Variants in IMPDH2 observed in about 807,000 individuals in gnomAD.
IMPDH2 encodes inosine-5'-monophosphate dehydrogenase 2.
IMPDH2 carries 33 observed loss-of-function variants against 57.8 expected under a neutral mutation model. That is an observed-to-expected ratio of 0.57 (90% CI 0.43 to 0.76). The LOEUF is 0.76. Among genes scored for constraint, IMPDH2 ranks in the 30% least tolerant of loss-of-function variants. IMPDH2 has a pLI of 0.00. For synonymous variants in IMPDH2, 270 were observed against 241.3 expected (o/e 1.12, Z -1.10); for missense variants, 446 against 659.1 (o/e 0.68, Z 3.54).
At chr3:49,025,896 C>T (rs2093196518) in intron 9 of IMPDH2, 1 of 451,328 alleles carries the variant, frequency 2.2e-6, no homozygotes, top group Admixed American at 2.4e-5. Context: ...TGGCCTTGCC[C>T]ACCCATCAGC....
chr3:49,028,824 G>C lies in IMPDH2; in HGVS notation c.99-18C>G, dbSNP rs764147355. The C allele has an allele frequency of 6.2e-7, 1 of 1,609,042 alleles. No homozygotes were observed. Among genetic ancestry groups the C allele is most frequent in the Non-Finnish European group, 8.5e-7 (1 of 1,175,454 alleles). On this transcript the variant is annotated intron_variant, in intron 1 of 13. Coordinates refer to ENST00000326739, the MANE Select transcript of IMPDH2 (RefSeq NM_000884.3). Reference sequence around the variant, plus strand: ...GAAAGTCACTGCGAGGGAAGGGAGTGAATTGGGAGTAAAGCTCTCAGCTTA... The same window carrying C: ...GAAAGTCACTGCGAGGGAAGGGAGTCAATTGGGAGTAAAGCTCTCAGCTTA...
In IMPDH2 at chr3:49,029,173, G is replaced by A; in HGVS notation, c.98+80C>T. The A allele has an allele frequency of 2.6e-6, 3 of 1,163,828 alleles. No individual in the cohort carries two copies. In the South Asian group the frequency reaches 3.9e-5, roughly 15 times the overall value. The allele number at this position is 1,163,828 out of a possible 1,614,324, so 72.1% of individuals were successfully genotyped here. On this transcript the variant is annotated intron_variant, in intron 1 of 13. Coordinates refer to ENST00000326739, the MANE Select transcript of IMPDH2 (RefSeq NM_000884.3). Reference sequence around the variant, plus strand: ...TGTCCCCCACGCCCACGCCCAAGGCGGCTCTCGGAAGCCCCCATCTGGCCT... The same window carrying A: ...TGTCCCCCACGCCCACGCCCAAGGCAGCTCTCGGAAGCCCCCATCTGGCCT...
At position 49,026,864 on chromosome 3, in the gene IMPDH2, T is replaced by A; in HGVS notation, c.642A>T (p.Glu214Asp). Residue 214 changes from glutamate to aspartate, a missense_variant, in exon 7 of 14, where the codon GAA becomes GAT. Physicochemically the swap from Glu to Asp is conservative, Grantham distance 45. Coordinates refer to ENST00000326739, the MANE Select transcript of IMPDH2 (RefSeq NM_000884.3). ...CAATGATGGCCACAAGCTCATCATCTTCATTTACAATGGGCAACTTTCCTG... is the reference window on the plus strand; with the variant it reads ...CAATGATGGCCACAAGCTCATCATCATCATTTACAATGGGCAACTTTCCTG... Reference protein sequence around the residue: ...SKKGKLPIVNEDDELVAIIAR... With the variant: ...SKKGKLPIVNDDDELVAIIAR... 1.2e-6 allele frequency: 2 copies of A among 1,614,232 alleles called. No individual in the cohort carries two copies.
At chr3:49,024,457 G>A (rs775207681) in intron 13 of IMPDH2, 38 bp downstream of exon 13, 13 of 1,614,084 alleles carry the variant, frequency 8.1e-6, no homozygotes, top group South Asian at 2.2e-5. Flanking sequence ...GGAGGCATGA[G>A]GTATGGCAGA....
At chr3:49,028,088 A>G in intron 4 of IMPDH2, 160 bp downstream of exon 4, 3 of 783,560 alleles carry the variant, frequency 3.8e-6, no homozygotes. Flanking sequence ...CACCTGGTCT[A>G]TTGCTGCTGC....
chr3:49,028,515 C>T lies in IMPDH2; in HGVS notation c.165G>A (p.Leu55=), dbSNP rs1311688307. The change falls in exon 3 of 14, where the codon CTG becomes CTA. Residue 55 remains leucine (L), a synonymous_variant. Transcript: ENST00000326739. ...TADQVDLTSA[L]TKKITLKTPL... ...GGGTCTTAAGAGTGATTTTCTTGGT[C>T]AGAGCAGAAGTCAGGTCCTGAGGAG... The T allele has an allele frequency of 1.9e-6, 3 of 1,613,732 alleles. No homozygotes were observed. The East Asian group carries it at 6.7e-5, about 36-fold the overall frequency.
In IMPDH2 at chr3:49,028,822, G is replaced by A. The variant is rs2093211257; in HGVS notation, c.99-16C>T. On this transcript the variant is annotated splice_polypyrimidine_tract_variant and intron_variant, in intron 1 of 13. Transcript: ENST00000326739. ...GAGAAAGTCACTGCGAGGGAAGGGA[G>A]TGAATTGGGAGTAAAGCTCTCAGCT... is the stretch of plus-strand genomic sequence containing the variant. The A allele has an allele frequency of 1.2e-6, 2 of 1,610,342 alleles. No homozygotes were observed. Among genetic ancestry groups the A allele is most frequent in the Admixed American group, 1.7e-5 (1 of 59,992 alleles).
Position 49,024,651 on chromosome 3 carries a change from AAGCTCACCG to A in IMPDH2, c.1438_1439+7del. 1 of 1,614,226 alleles carries A rather than the reference AAGCTCACCG, an allele frequency of 6.2e-7. No individual in the cohort carries two copies. Among genetic ancestry groups the A allele is most frequent in the Middle Eastern group, 1.6e-4 (1 of 6,062 alleles). The stretch of plus-strand genomic sequence containing the variant: ...CCCTCTACCCATGTCCCAGCTCCCC[AAGCTCACCG>A]GACTTGGGTCAAGCTCTTGGCACCA... On this transcript the variant is annotated splice_donor_variant and splice_donor_5th_base_variant and coding_sequence_variant and intron_variant, in exon 12 of 14. Transcript: ENST00000326739. LOFTEE classifies it high-confidence loss of function.
chr3:49,028,147 G>C (rs539061467), intron 4 of IMPDH2, 101 bp downstream of exon 4: 1 of 1,045,754 alleles, frequency 9.6e-7, no homozygotes, highest in Non-Finnish European at 1.5e-6. Flanking sequence ...ACCCCATGGT[G>C]GGAAGAAAGA....
Position 49,029,275 on chromosome 3 carries a change from A to T in IMPDH2, c.76T>A (p.Cys26Ser), listed in dbSNP as rs1412004873. 6.8e-6 allele frequency: 11 copies of T among 1,607,604 alleles called. No individual in the cohort carries two copies. Among genetic ancestry groups the T allele is most frequent in the Non-Finnish European group, 9.3e-6 (11 of 1,177,188 alleles). ...CACTTGTAGGTGAGGCCGTCTCCGC[A>T]GTTGAAGAGCTGCTGTGCTGTGAGT... is the stretch of plus-strand genomic sequence containing the variant. ...DGLTAQQLFN[C>S]GDGLTYNDFL... Residue 26 changes from cysteine (C) to serine (S), a missense_variant, in exon 1 of 14, where the codon TGC (cysteine) becomes AGC (serine). Transcript: ENST00000326739.
In IMPDH2 at chr3:49,024,650, C is replaced by A; in HGVS notation, c.1439+9G>T. On this transcript the variant is annotated intron_variant, in intron 12 of 13. Coordinates refer to ENST00000326739, the MANE Select transcript of IMPDH2 (RefSeq NM_000884.3). ...CCCCTCTACCCATGTCCCAGCTCCCCAAGCTCACCGGACTTGGGTCAAGCT... is the reference window on the plus strand; with the variant it reads ...CCCCTCTACCCATGTCCCAGCTCCCAAAGCTCACCGGACTTGGGTCAAGCT... The A allele has an allele frequency of 6.2e-7, 1 of 1,614,216 alleles. No individual in the cohort carries two copies. The highest frequency in any genetic ancestry group is 8.5e-7 in the Non-Finnish European group (1 of 1,180,036).
rs768227690 is a variant in IMPDH2, at chr3:49,026,730, C to T, written c.776G>A (p.Arg259Lys). 6.2e-7 allele frequency: 1 copy of T among 1,614,218 alleles called. No homozygotes were observed. The highest frequency in any genetic ancestry group is 1.1e-5 in the South Asian group (1 of 91,090). The stretch of plus-strand genomic sequence containing the variant: ...ACCAGCCTGGGCGAGCAAGTCCAGC[C>T]TATACTTGTCATCCTCATGAGTGCC... ...AIGTHEDDKYRLDLLAQAGVD... is the reference protein window; with the variant it reads ...AIGTHEDDKYKLDLLAQAGVD... The change falls in exon 7 of 14, where the codon AGG becomes AAG. Residue 259 changes from arginine (R) to lysine (K), a missense_variant. Physicochemically the swap from Arg to Lys is conservative, Grantham distance 26. Transcript: ENST00000326739.
intron 7 of IMPDH2, 22 bp downstream of exon 7, chr3:49,026,665 A>G: frequency 6.2e-7 from 1 of 1,613,566 alleles, no homozygotes; most frequent in Non-Finnish European, 8.5e-7. Flanking sequence ...TATTGCCCCA[A>G]CCCACCTGTG....
chr3:49,025,656 A>T (rs938499546), intron 9 of IMPDH2, among the ~76,000 whole-genome samples: 6 of 152,220 alleles, frequency 3.9e-5, no homozygotes, highest in African/African-American at 1.4e-4. Context: ...AGGCAAGATA[A>T]GGGCAGTGGT....
rs1559918156 is a variant in IMPDH2, at chr3:49,029,293, C to A, written c.58G>T (p.Ala20Ser). ...TSYVPDDGLT[A>S]QQLFNCGDGL... ...TCTCCGCAGTTGAAGAGCTGCTGTG[C>A]TGTGAGTCCGTCGTCTGGCACGTAG... Residue 20 changes from alanine (A) to serine (S), a missense_variant, in exon 1 of 14, where the codon GCA (alanine) becomes TCA (serine). Physicochemically the swap from Ala to Ser is moderately conservative, Grantham distance 99. Transcript: ENST00000326739. The A allele has an allele frequency of 6.2e-7, 1 of 1,608,440 alleles. No homozygotes were observed. Among genetic ancestry groups the A allele is most frequent in the South Asian group, 1.1e-5 (1 of 89,984 alleles).
chr3:49,029,104 G>A, intron 1 of IMPDH2, 149 bp downstream of exon 1: 1 of 705,226 alleles, frequency 1.4e-6, no homozygotes, highest in Non-Finnish European at 2.5e-6. Context: ...CGCTCCAGAT[G>A]TCTCAAAGTG....
Sources: allele counts gnomAD v4.1 joint callset (sites outside exome capture counted in the v4.1 genomes callset), GRCh38; gene constraint gnomAD v4.1.1; transcripts MANE v1.5; gene names NCBI Gene and HGNC (gene_info 2026-07-23, HGNC 2026-07-21).